SEMA6D: variants seen among roughly 807,000 people sequenced by gnomAD.
SEMA6D encodes the protein semaphorin 6D.
SEMA6D carries 35 observed loss-of-function variants against 106.6 expected under a neutral mutation model. The observed-to-expected ratio is 0.33, with a 90% CI of 0.25 to 0.44. The LOEUF (loss-of-function observed/expected upper bound fraction) is 0.44, where lower values mean the gene tolerates loss of function less well. SEMA6D is among the 20% of genes least tolerant of loss of function. SEMA6D has a pLI of 1.00. For synonymous variants in SEMA6D, 499 were observed against 487.7 expected (o/e 1.02, Z -0.31); for missense variants, 1,185 against 1,345.9 (o/e 0.88, Z 1.87).
At chr15:47,509,581 C>T (rs540119870) in intron 3 of SEMA6D, among the ~76,000 whole-genome samples, 4 of 152,202 alleles carry the variant, frequency 2.6e-5, no homozygotes. Flanking sequence ...CCTTGTATCT[C>T]CATACAGCTA....
At chr15:47,520,276 C>T (rs1013827501) in intron 3 of SEMA6D, among the ~76,000 whole-genome samples, 3 of 152,152 alleles carry the variant, frequency 2.0e-5, no homozygotes, top group Non-Finnish European at 4.4e-5. Context: ...TGTATCAAAT[C>T]GTAATTGTAA....
rs114866071 is a variant in SEMA6D, at chr15:47,668,607, C to G, written c.-55+67711C>G. Among the ~76,000 whole-genome samples, 575 of 152,216 alleles carry G rather than the reference C, an allele frequency of 3.8e-3. 5 individuals carry two copies. Among genetic ancestry groups the G allele is most frequent in the African/African-American group, 0.014 (561 of 41,532 alleles). ...CATGCCTGAACCTACAGAGTGAGAC[C>G]CTTTGAAGATTGGAAAGGAAGAGTC... On this transcript the variant is annotated intron_variant, in intron 4 of 19. Coordinates refer to the SEMA6D transcript ENST00000558014.
chr15:47,228,160 A>ACC (rs2031929394), intron 1 of SEMA6D, among the ~76,000 whole-genome samples: 1 of 125,190 alleles, frequency 8.0e-6, no homozygotes, highest in African/African-American at 3.4e-5. Context: ...ACACACACAC[A>ACC]CACATATATA....
intron 3 of SEMA6D, among the ~76,000 whole-genome samples, chr15:47,481,158 A>C (rs2043143197): frequency 6.6e-6 from 1 of 152,128 alleles, no homozygotes; most frequent in South Asian, 2.1e-4. Flanking sequence ...GATCCATGAC[A>C]GCTTTCTTGG....
intron 3 of SEMA6D, among the ~76,000 whole-genome samples, chr15:47,471,926 C>G (rs868465934): frequency 1.2e-3 from 157 of 130,706 alleles, no homozygotes; most frequent in African/African-American, 5.2e-3. Context: ...CTCTCTCTCT[C>G]TCTCTCACAC....
intron 3 of SEMA6D, among the ~76,000 whole-genome samples, chr15:47,567,309 C>T (rs921047444): frequency 1.3e-5 from 2 of 151,748 alleles, no homozygotes; most frequent in Admixed American, 6.6e-5. Flanking sequence ...TTGGGAGTAA[C>T]GAATTAGAAA....
intron 3 of SEMA6D, among the ~76,000 whole-genome samples, chr15:47,511,945 A>C (rs2141798972): frequency 6.6e-6 from 1 of 152,300 alleles, no homozygotes; most frequent in Non-Finnish European, 1.5e-5. Flanking sequence ...TCGGTGAGAA[A>C]AAGTTTTAGT....
chr15:47,540,605 T>A (rs1050436616), intron 3 of SEMA6D, among the ~76,000 whole-genome samples: 1 of 152,138 alleles, frequency 6.6e-6, no homozygotes, highest in African/African-American at 2.4e-5. Flanking sequence ...GGTGTCCTAA[T>A]TGGTCAGCAG....
At chr15:47,475,779 AT>A (rs1270101990) in intron 3 of SEMA6D, among the ~76,000 whole-genome samples, 6 of 152,368 alleles carry the variant, frequency 3.9e-5, no homozygotes, top group African/African-American at 9.6e-5. Flanking sequence ...AATTAAAAAA[AT>A]AATTACTTTT....
intron 4 of SEMA6D, among the ~76,000 whole-genome samples, chr15:47,687,390 C>T (rs2078492646): frequency 6.6e-6 from 1 of 151,948 alleles, no homozygotes; most frequent in Non-Finnish European, 1.5e-5. Context: ...TGTTGGGGTC[C>T]CTAACTTATC....
chr15:47,414,232 C>A (rs2040890427), intron 2 of SEMA6D, among the ~76,000 whole-genome samples: 1 of 152,136 alleles, frequency 6.6e-6, no homozygotes, highest in South Asian at 2.1e-4. Flanking sequence ...AATTAAATAA[C>A]TTTGCACTTG....
rs188080025 is a variant in SEMA6D at position 47,758,854 on chromosome 15, A to C, written c.-54-891A>C. Among the ~76,000 whole-genome samples the C allele has an allele frequency of 3.6e-3, 541 of 152,274 alleles. 1 individual carries two copies. Among genetic ancestry groups the C allele is most frequent in the African/African-American group, 0.013 (531 of 41,556 alleles). On this transcript the variant is annotated intron_variant, in intron 1 of 18. Transcript: ENST00000536845. ...TGAGTCTGGACTCCAATCTTGCCTT[A>C]ACTAGCTCCACACAATTCAGTGAGT... is the stretch of plus-strand genomic sequence containing the variant.
At chr15:47,377,949 T>C (rs945155137) in intron 1 of SEMA6D, among the ~76,000 whole-genome samples, 1 of 152,206 alleles carries the variant, frequency 6.6e-6, no homozygotes, top group Non-Finnish European at 1.5e-5. Flanking sequence ...TAGGTGAAAG[T>C]TTATACCACC....
chr15:47,729,253 A>G (rs2079964309), intron 1 of SEMA6D, among the ~76,000 whole-genome samples: 1 of 152,226 alleles, frequency 6.6e-6, no homozygotes, highest in African/African-American at 2.4e-5. Flanking sequence ...AAATATAATC[A>G]TCATAGTAGT....
chr15:47,669,487 A>G lies in SEMA6D; in HGVS notation c.-55+68591A>G, dbSNP rs190520154. On this transcript the variant is annotated intron_variant, in intron 4 of 19. Transcript: ENST00000558014. ...GCCCTCCCTTGCTTTCCCATCCCAA[A>G]ACTCCAAAGCCCCTGCTCCCCTTGG... 3.3e-5 allele frequency among the ~76,000 whole-genome samples: 5 copies of G among 152,230 alleles called. No homozygotes were observed. In the East Asian group the frequency reaches 5.8e-4, roughly 18 times the overall value.
At chr15:47,584,898 C>T (rs1022849333) in intron 3 of SEMA6D, among the ~76,000 whole-genome samples, 4 of 152,150 alleles carry the variant, frequency 2.6e-5, no homozygotes, top group Non-Finnish European at 5.9e-5. Context: ...GACCAAGTGA[C>T]TTCTTGAAGT....
At chr15:47,208,444 G>A (rs1468528285) in intron 1 of SEMA6D, among the ~76,000 whole-genome samples, 1 of 152,104 alleles carries the variant, frequency 6.6e-6, no homozygotes, top group Non-Finnish European at 1.5e-5. Flanking sequence ...AATACTAGGT[G>A]ATTTTTGAAT....
chr15:47,503,215 G>A (rs1258901888), intron 3 of SEMA6D, among the ~76,000 whole-genome samples: 1 of 152,044 alleles, frequency 6.6e-6, no homozygotes, highest in Admixed American at 6.6e-5. Context: ...ATATTTTTCT[G>A]CTGATATATC....
chr15:47,249,494 C>T (rs978763625), intron 1 of SEMA6D, among the ~76,000 whole-genome samples: 6 of 151,534 alleles, frequency 4.0e-5, no homozygotes, highest in African/African-American at 1.5e-4. Flanking sequence ...ACTCTCTACC[C>T]ACCCCCCATG....
Sources: gnomAD v4.1 joint callset for allele counts (sites outside exome capture counted in the v4.1 genomes callset) on GRCh38, gnomAD v4.1.1 for gene constraint, MANE v1.5 for transcripts, NCBI Gene and HGNC (gene_info 2026-07-23, HGNC 2026-07-21) for gene names.